The following PDE10A variants were observed in gnomAD, a reference collection of about 807,000 sequenced individuals.
PDE10A encodes the protein cAMP and cAMP-inhibited cGMP 3',5'-cyclic phosphodiesterase 10A.
In PDE10A, 39 loss-of-function variants were observed where a neutral mutation model predicts 97.7. The observed-to-expected ratio is 0.40, with a 90% CI of 0.31 to 0.52. The LOEUF is 0.52. Among genes scored for constraint, PDE10A ranks in the 20% least tolerant of loss-of-function variants. The probability of loss-of-function intolerance (pLI) is 0.56; values close to 1 mark genes in which losing one functional copy is unlikely to be tolerated. For missense variants in PDE10A, 731 were observed against 1,047.8 expected, an observed-to-expected ratio of 0.70 and a Z score of 4.17; for synonymous variants, 371 against 376.8, an observed-to-expected ratio of 0.98 and a Z score of 0.18.
Position 165,899,556 on chromosome 6 carries a change from G to A in PDE10A, c.-615+87973C>T, listed in dbSNP as rs114301306. Among the ~76,000 whole-genome samples the A allele has an allele frequency of 3.7e-3, 569 of 152,286 alleles. 4 individuals carry two copies. Among genetic ancestry groups the A allele is most frequent in the African/African-American group, 0.013 (552 of 41,546 alleles). ...TGTTTTGCAAAAATCACAAAAATAC[G>A]CTTATAATTACACATTCAGGTGAGT... is the stretch of plus-strand genomic sequence containing the variant. On this transcript the variant is annotated intron_variant, in intron 1 of 19. Transcript: ENST00000366882.
intron 1 of PDE10A, among the ~76,000 whole-genome samples, chr6:165,733,873 G>GA (rs5881656): frequency 1.1e-4 from 16 of 150,416 alleles, no homozygotes; most frequent in East Asian, 5.9e-4. Flanking sequence ...GGTCTAGGAA[G>GA]AAAAAAAAAA....
At chr6:165,376,629 T>C (rs1285108294) in intron 18 of PDE10A, among the ~76,000 whole-genome samples, 1 of 152,196 alleles carries the variant, frequency 6.6e-6, no homozygotes, top group Non-Finnish European at 1.5e-5. Flanking sequence ...AACTGCCACA[T>C]CCAGGCTGGG....
At position 165,951,280 on chromosome 6, in the gene PDE10A, GTCT is replaced by G. The variant is rs1783949872; in HGVS notation, c.-615+36246_-615+36248del. 2.6e-5 allele frequency among the ~76,000 whole-genome samples: 4 copies of G among 152,036 alleles called. No homozygotes were observed. The South Asian group carries it at 8.3e-4, about 32-fold the overall frequency. ...AACATCATCTCCAACATTGTTTTAC[GTCT>G]TCTTCTTGAGTATTACCTGTGCATC... On this transcript the variant is annotated intron_variant, in intron 1 of 19. Transcript: ENST00000366882.
chr6:165,727,217 G>A (rs1338986153), intron 1 of PDE10A, among the ~76,000 whole-genome samples: 1 of 152,222 alleles, frequency 6.6e-6, no homozygotes, highest in Non-Finnish European at 1.5e-5. Flanking sequence ...CAGGACGGAG[G>A]CGACTCCTTG....
chr6:165,829,459 C>T lies in PDE10A; in HGVS notation c.-615+158070G>A, dbSNP rs1196984128. On this transcript the variant is annotated intron_variant, in intron 1 of 19. Coordinates refer to the PDE10A transcript ENST00000366882. The stretch of plus-strand genomic sequence containing the variant: ...AATCAACCTTAATTGGTTCCAGCAG[C>T]AGCCTTGAGAAGCTTTCAGATTCCC... Among the ~76,000 whole-genome samples the T allele has an allele frequency of 2.6e-5, 4 of 152,244 alleles. No homozygotes were observed. In the East Asian group the frequency reaches 7.7e-4, roughly 29 times the overall value.
intron 1 of PDE10A, among the ~76,000 whole-genome samples, chr6:165,798,508 T>A (rs1313778404): frequency 2.0e-5 from 3 of 152,154 alleles, no homozygotes; most frequent in Non-Finnish European, 4.4e-5. Flanking sequence ...CCACAGAACC[T>A]GCAACCATTG....
At chr6:165,681,156 C>CT (rs774718942) in intron 1 of PDE10A, among the ~76,000 whole-genome samples, 1 of 152,176 alleles carries the variant, frequency 6.6e-6, no homozygotes, top group Non-Finnish European at 1.5e-5. Context: ...TTACAGAGCG[C>CT]TGCAAGGGGT....
chr6:165,507,024 CATT>C (rs1781235194), intron 2 of PDE10A, among the ~76,000 whole-genome samples: 1 of 152,090 alleles, frequency 6.6e-6, no homozygotes, highest in African/African-American at 2.4e-5. Context: ...TGAAAAGCAC[CATT>C]TGGTGATCCT....
At chr6:165,924,422 A>T (rs1782861836) in intron 1 of PDE10A, among the ~76,000 whole-genome samples, 1 of 152,132 alleles carries the variant, frequency 6.6e-6, no homozygotes, top group South Asian at 2.1e-4. Flanking sequence ...TCCATGTTGG[A>T]TAGAACATCT....
intron 1 of PDE10A, among the ~76,000 whole-genome samples, chr6:165,905,967 T>A (rs913163612): frequency 7.0e-6 from 1 of 143,504 alleles, no homozygotes; most frequent in Admixed American, 7.1e-5. Flanking sequence ...TGTTCCTTTT[T>A]ACCTTCCCTT....
chr6:165,732,252 C>A (rs775147869), intron 1 of PDE10A, among the ~76,000 whole-genome samples: 1 of 152,194 alleles, frequency 6.6e-6, no homozygotes, highest in Non-Finnish European at 1.5e-5. Flanking sequence ...TAAGGTAACT[C>A]AAAATGATAA....
At chr6:165,767,754 C>G (rs555996038) in intron 1 of PDE10A, among the ~76,000 whole-genome samples, 28 of 152,250 alleles carry the variant, frequency 1.8e-4, no homozygotes, top group African/African-American at 6.5e-4. Context: ...CATTCAAATC[C>G]TCGTGTCTGT....
rs186339955 is a variant in PDE10A at position 165,441,985 on chromosome 6, T to A, written c.1195-6608A>T. Among the ~76,000 whole-genome samples the A allele has an allele frequency of 3.4e-4, 52 of 152,338 alleles. No homozygotes were observed. In the East Asian group the frequency reaches 7.3e-3, roughly 21 times the overall value. ...ATTTGTTAGTAAACATAATCCCTCA[T>A]AATTTCTAATTTTCATTATATCTAT... is the stretch of plus-strand genomic sequence containing the variant. On this transcript the variant is annotated intron_variant, in intron 5 of 21. Coordinates refer to ENST00000539869, the MANE Select transcript of PDE10A (RefSeq NM_001385079.1).
At chr6:165,842,076 C>A (rs536901315) in intron 1 of PDE10A, among the ~76,000 whole-genome samples, 5 of 152,136 alleles carry the variant, frequency 3.3e-5, no homozygotes, top group South Asian at 2.1e-4. Context: ...CCTAACCAGG[C>A]GAATTGTGTA....
intron 1 of PDE10A, among the ~76,000 whole-genome samples, chr6:165,827,762 A>G (rs1779802875): frequency 6.6e-6 from 1 of 152,218 alleles, no homozygotes; most frequent in African/African-American, 2.4e-5. Flanking sequence ...TCACCCAAGC[A>G]GTGCACGCTG....
At chr6:165,545,184 T>C in intron 1 of PDE10A, 1 of 506,288 alleles carries the variant, frequency 2.0e-6, no homozygotes, top group South Asian at 1.4e-5. Flanking sequence ...ATAGAATTCT[T>C]ATCCTAACTT....
chr6:165,981,108 CAG>C (rs1785000361), intron 1 of PDE10A, among the ~76,000 whole-genome samples: 1 of 152,036 alleles, frequency 6.6e-6, no homozygotes, highest in Admixed American at 6.6e-5. Context: ...AGTTGGCAAA[CAG>C]ACATATAAAT....
At chr6:165,826,700 A>T (rs1401050182) in intron 1 of PDE10A, among the ~76,000 whole-genome samples, 1 of 150,160 alleles carries the variant, frequency 6.7e-6, no homozygotes, top group African/African-American at 2.5e-5. Context: ...GCACGGTGGG[A>T]GCGGGCGCGT....
intron 1 of PDE10A, among the ~76,000 whole-genome samples, chr6:165,570,052 C>G (rs187693478): frequency 6.6e-6 from 1 of 152,200 alleles, no homozygotes; most frequent in African/African-American, 2.4e-5. Context: ...TGTTGAAGTC[C>G]TAACCCCCAG....
Sources: gnomAD v4.1 joint callset for allele counts (sites outside exome capture counted in the v4.1 genomes callset) on GRCh38, gnomAD v4.1.1 for gene constraint, MANE v1.5 for transcripts, NCBI Gene and HGNC (gene_info 2026-07-23, HGNC 2026-07-21) for gene names.